The following DPH3 variants were observed in gnomAD, a reference collection of about 807,000 sequenced individuals.
DPH3 encodes diphthamide biosynthesis 3.
A neutral mutation model predicts 10.2 loss-of-function variants in DPH3; 8 were observed. The ratio of observed to expected loss-of-function variants is 0.79; its 90% CI spans 0.46 to 1.42. DPH3 has a LOEUF of 1.42. Among genes scored for constraint, DPH3 ranks in the 40% most tolerant of loss-of-function variants. The pLI, the probability that DPH3 is intolerant of heterozygous loss-of-function variation, is 0.00. For missense variants in DPH3, 96 were observed against 98.9 expected, an observed-to-expected ratio of 0.97 and a Z score of 0.12; for synonymous variants, 35 against 35.6, an observed-to-expected ratio of 0.98 and a Z score of 0.06.
At position 16,259,720 on chromosome 3, in the gene DPH3, G is replaced by A. The variant is rs1483813391; in HGVS notation, c.*1044C>T. ...CATGTTATAGAGGCTTATTAAATAT[G>A]CTCTCATGGGCATATTTATTCACAA... On this transcript the variant is annotated 3_prime_UTR_variant, in exon 3 of 3. Coordinates refer to ENST00000488423, the MANE Select transcript of DPH3 (RefSeq NM_206831.3). 6.6e-6 allele frequency: 1 copy of A among 152,118 alleles called. No individual in the cohort carries two copies. The highest frequency in any genetic ancestry group is 1.5e-5 in the Non-Finnish European group (1 of 68,018). 9.4% of individuals were successfully genotyped at this position (152,118 alleles called of 1,614,324 possible). A position where few individuals can be genotyped will look rare whatever the true frequency, so the allele number is the denominator to read the frequency against.
rs556729674 is a variant in DPH3, at chr3:16,257,551, G to A, written c.*3213C>T. Among the ~76,000 whole-genome samples the A allele has an allele frequency of 6.6e-6, 1 of 152,316 alleles. No homozygotes were observed. Among genetic ancestry groups the A allele is most frequent in the African/African-American group, 2.4e-5 (1 of 41,578 alleles). On this transcript the variant is annotated 3_prime_UTR_variant, in exon 3 of 3. Transcript: ENST00000488423. ...ATGAATGGGTTCACACAGCAACCCT[G>A]TCAAAGAGGTACTATGATCCAGATT...
chr3:16,264,645 A>AT, intron 1 of DPH3, 124 bp downstream of exon 1: 1 of 942,162 alleles, frequency 1.1e-6, no homozygotes, highest in Non-Finnish European at 1.6e-6. Context: ...GAGGAGGAAG[A>AT]TTCAGCAACG....
Position 16,261,815 on chromosome 3 carries a change from C to G in DPH3, c.184-986G>C, listed in dbSNP as rs2064294113. 6.6e-6 allele frequency among the ~76,000 whole-genome samples: 1 copy of G among 152,034 alleles called. No individual in the cohort carries two copies. Among genetic ancestry groups the G allele is most frequent in the African/African-American group, 2.4e-5 (1 of 41,372 alleles). ...AAGTGGGGCTAGTTCCTCCTTTTTG[C>G]CTCCATTCTCCTTTCCTGTCTAAAA... is the stretch of plus-strand genomic sequence containing the variant. On this transcript the variant is annotated intron_variant, in intron 2 of 2. Coordinates refer to ENST00000488423, the MANE Select transcript of DPH3 (RefSeq NM_206831.3). The surrounding 1 kb of genome is among the most constrained non-coding windows in gnomAD (Gnocchi z 7.1).
chr3:16,264,339 C>G (rs2124936693), intron 1 of DPH3, 110 bp from the exon 2 acceptor site: 1 of 811,666 alleles, frequency 1.2e-6, no homozygotes, highest in African/African-American at 1.7e-5. Flanking sequence ...GCCTTCCCCC[C>G]AAGGTGGGTG....
rs373785378 is a variant in DPH3, at chr3:16,264,477, T to G, written c.109-248A>C. ...AAAGCCCTGGGAAACAAAAAACGAG[T>G]CCCCTCCTCGACAGAAATATCCCAG... is the stretch of plus-strand genomic sequence containing the variant. On this transcript the variant is annotated intron_variant, in intron 1 of 2. Transcript: ENST00000488423. The G allele has an allele frequency of 1.0e-3, 550 of 539,294 alleles. 3 individuals carry two copies. The Middle Eastern group carries it at 0.016, about 16-fold the overall frequency. 33.4% of individuals were successfully genotyped at this position (539,294 alleles called of 1,614,324 possible).
chr3:16,260,039 CTT>C lies in DPH3; in HGVS notation c.*723_*724del, dbSNP rs1224271962. Reference sequence around the variant, plus strand: ...TTCTTTTGGATGTTTTTCTTTTCATCTTGTCCTGACTTCCAAGGAATATGCAG... The same window carrying C: ...TTCTTTTGGATGTTTTTCTTTTCATCGTCCTGACTTCCAAGGAATATGCAG... On this transcript the variant is annotated 3_prime_UTR_variant, in exon 3 of 3. Coordinates refer to ENST00000488423, the MANE Select transcript of DPH3 (RefSeq NM_206831.3). The C allele has an allele frequency of 4.6e-5, 7 of 152,230 alleles. No homozygotes were observed. Among genetic ancestry groups the C allele is most frequent in the African/African-American group, 1.7e-4 (7 of 41,458 alleles). 9.4% of individuals were successfully genotyped at this position (152,230 alleles called of 1,614,324 possible).
Position 16,264,193 on chromosome 3 carries a change from GAC to G in DPH3, c.143_144del (p.Cys48SerfsTer2), listed in dbSNP as rs751970737. 25 of 1,611,114 alleles carry G rather than the reference GAC, an allele frequency of 1.6e-5. No individual in the cohort carries two copies. Among genetic ancestry groups the G allele is most frequent in the Non-Finnish European group, 2.0e-5 (24 of 1,177,996 alleles). On this transcript the variant is annotated frameshift_variant, in exon 2 of 3. Coordinates refer to ENST00000488423, the MANE Select transcript of DPH3 (RefSeq NM_206831.3). LOFTEE classifies it high-confidence loss of function. ...ACTTTTATAATGAGAGAGCAGCTAG[GAC>G]ACGTTGCCACGTCTTCCCCATTCTC... ...DLENGEDVATCPSCSLIIKVI... is the reference protein window; with the variant it reads ...DLENGEDVATXPSCSLIIKVI...
At position 16,261,025 on chromosome 3, in the gene DPH3, T is replaced by G. The variant is rs1198691503; in HGVS notation, c.184-196A>C. 6.6e-6 allele frequency among the ~76,000 whole-genome samples: 1 copy of G among 152,252 alleles called. No individual in the cohort carries two copies. Among genetic ancestry groups the G allele is most frequent in the Non-Finnish European group, 1.5e-5 (1 of 68,036 alleles). The stretch of plus-strand genomic sequence containing the variant: ...TTAAACATGTATCAGTTTTTTGATC[T>G]GAATTCATTATTTAATACAAAGCAC... On this transcript the variant is annotated intron_variant, in intron 2 of 2. Coordinates refer to ENST00000488423, the MANE Select transcript of DPH3 (RefSeq NM_206831.3). The surrounding 1 kb of genome is among the most constrained non-coding windows in gnomAD (Gnocchi z 7.1).
Position 16,260,764 on chromosome 3 carries a change from T to C in DPH3, c.249A>G (p.Ter83TrpextTer9). 6.2e-7 allele frequency: 1 copy of C among 1,613,278 alleles called. No homozygotes were observed. The highest frequency in any genetic ancestry group is 8.5e-7 in the Non-Finnish European group (1 of 1,179,474). ...PSANKELVKC[*>W] ...AGGATTTGGATTCCTGAAGGCTTCT[T>C]CAGCATTTAACTAATTCTTTGTTGG... The change falls in exon 3 of 3, where the codon TGA becomes TGG. Residue 83 changes from the stop codon to tryptophan (W), a stop_lost. Transcript: ENST00000488423.
At chr3:16,264,514 A>G in intron 1 of DPH3, 1 of 573,106 alleles carries the variant, frequency 1.7e-6, no homozygotes, top group Non-Finnish European at 3.1e-6. Flanking sequence ...TTGGGACCCT[A>G]AGGCAGGGAT....
Position 16,262,682 on chromosome 3 carries a change from G to A in DPH3, c.183+1473C>T, listed in dbSNP as rs1281905282. On this transcript the variant is annotated intron_variant, in intron 2 of 2. Transcript: ENST00000488423. The surrounding 1 kb of genome is among the most constrained non-coding windows in gnomAD (Gnocchi z 4.7). ...TTGCTAGCCAATCTCTCTCATGAAC[G>A]CCAGACATGCATATCCAATTGCCTT... Among the ~76,000 whole-genome samples, 6 of 152,060 alleles carry A rather than the reference G, an allele frequency of 3.9e-5. No individual in the cohort carries two copies. Among genetic ancestry groups the A allele is most frequent in the Non-Finnish European group, 8.8e-5 (6 of 68,012 alleles).
chr3:16,264,927 T>C lies in DPH3; in HGVS notation c.-51A>G, dbSNP rs745746351. On this transcript the variant is annotated 5_prime_UTR_variant, in exon 1 of 3. Coordinates refer to ENST00000488423, the MANE Select transcript of DPH3 (RefSeq NM_206831.3). ...AACGCCCCAGCAGTCCGAGGCCAGC[T>C]CCGAGGGTTTAACTTCGCCGGAACC... 3.8e-6 allele frequency: 6 copies of C among 1,599,936 alleles called. No individual in the cohort carries two copies. The African/African-American group carries it at 5.4e-5, about 14-fold the overall frequency.
At chr3:16,264,126 T>C in intron 2 of DPH3, 29 bp downstream of exon 2, 1 of 1,540,414 alleles carries the variant, frequency 6.5e-7, no homozygotes, top group African/African-American at 1.4e-5. Context: ...TACAATACCC[T>C]TCCCCCGTTT....
intron 2 of DPH3, 28 bp downstream of exon 2, chr3:16,264,127 T>TC: frequency 6.5e-7 from 1 of 1,542,164 alleles, no homozygotes; most frequent in South Asian, 1.2e-5. Context: ...ACAATACCCT[T>TC]CCCCCGTTTT....
At position 16,262,487 on chromosome 3, in the gene DPH3, C is replaced by T. The variant is rs1433391354; in HGVS notation, c.184-1658G>A. Among the ~76,000 whole-genome samples the T allele has an allele frequency of 6.6e-6, 1 of 152,162 alleles. No homozygotes were observed. The highest frequency in any genetic ancestry group is 2.4e-5 in the African/African-American group (1 of 41,422). ...TTTCCTCCTTTCTCAGTGGTTTCTCCTTTACCATCAGCTTTGGTGATTCCT... is the reference window on the plus strand; with the variant it reads ...TTTCCTCCTTTCTCAGTGGTTTCTCTTTTACCATCAGCTTTGGTGATTCCT... On this transcript the variant is annotated intron_variant, in intron 2 of 2. Coordinates refer to ENST00000488423, the MANE Select transcript of DPH3 (RefSeq NM_206831.3). The surrounding 1 kb of genome is among the most constrained non-coding windows in gnomAD (Gnocchi z 4.7).
Position 16,264,814 on chromosome 3 carries a change from C to T in DPH3, c.63G>A (p.Thr21=), listed in dbSNP as rs762737219. 5.6e-6 allele frequency: 9 copies of T among 1,614,238 alleles called. No homozygotes were observed. The East Asian group carries it at 1.8e-4, about 32-fold the overall frequency. Residue 21 remains threonine, a synonymous_variant, in exon 1 of 3, where the codon ACG becomes ACA. Transcript: ENST00000488423. ...CTCCACATGGGCAGGGATAGAAATA[C>T]GTCTCCGAGTCCTCGTCATATTGGA... ...EDFQYDEDSE[T]YFYPCPCGDN... is the part of the protein sequence containing the mutation.
rs115090956 is a variant in DPH3 at position 16,264,051 on chromosome 3, T to A, written c.183+104A>T. 7.9e-5 allele frequency: 51 copies of A among 647,462 alleles called. No homozygotes were observed. The African/African-American group carries it at 9.1e-4, about 12-fold the overall frequency. The allele number at this position is 647,462 out of a possible 1,614,324, so 40.1% of individuals were successfully genotyped here. On this transcript the variant is annotated intron_variant, in intron 2 of 2. Transcript: ENST00000488423. ...GCCTAAAAAAATACCGCACTTTACC[T>A]AGCACAATGAAACATTCTCCTGCAC...
rs918774910 is a variant in DPH3 at position 16,260,718 on chromosome 3, C to T, written c.*46G>A. ...GTAGCTTTGCATTCGATATTTCTAT[C>T]TGGGCTCATTCCAAATGTTCAGGAT... is the stretch of plus-strand genomic sequence containing the variant. On this transcript the variant is annotated 3_prime_UTR_variant, in exon 3 of 3. Transcript: ENST00000488423. 18 of 1,541,794 alleles carry T rather than the reference C, an allele frequency of 1.2e-5. No individual in the cohort carries two copies. The highest frequency in any genetic ancestry group is 1.7e-4 in the Middle Eastern group (1 of 5,946).
rs62233888 is a variant in DPH3, at chr3:16,262,146, C to A, written c.184-1317G>T. 0.09 allele frequency among the ~76,000 whole-genome samples: 13,711 copies of A among 152,294 alleles called. 817 individuals carry two copies. Among genetic ancestry groups the A allele is most frequent in the Middle Eastern group, 0.14 (41 of 292 alleles). On this transcript the variant is annotated intron_variant, in intron 2 of 2. Coordinates refer to ENST00000488423, the MANE Select transcript of DPH3 (RefSeq NM_206831.3). This position sits in a 1 kb window ranked among gnomAD's most constrained non-coding sequence, Gnocchi z 4.7. ...CTGAATTTCTACCACCTTAAACCCT[C>A]TCTTGATCCTCTATCACCACTGGTT...
Sources: gnomAD v4.1 joint callset for allele counts (sites outside exome capture counted in the v4.1 genomes callset) on GRCh38, gnomAD v4.1.1 for gene constraint, Gnocchi (gnomAD v3.1) non-coding constraint, MANE v1.5 for transcripts, NCBI Gene and HGNC (gene_info 2026-07-23, HGNC 2026-07-21) for gene names.